Variants in TREH observed in about 807,000 individuals in gnomAD.
TREH encodes the protein alpha,alpha-trehalose glucohydrolase.
A neutral mutation model predicts 80.5 loss-of-function variants in TREH; 69 were observed. That is an observed-to-expected ratio of 0.86 (90% CI 0.71 to 1.05). The LOEUF is 1.05. Among genes scored for constraint, TREH ranks in the 50% least tolerant of loss-of-function variants. TREH has a pLI of 0.00. For synonymous variants in TREH, 309 were observed against 293.5 expected (o/e 1.05, Z -0.54); for missense variants, 716 against 718.8 (o/e 1.00, Z 0.04).
Position 118,658,486 on chromosome 11 carries a change from T to C in TREH, c.1600-45A>G, listed in dbSNP as rs781918899. The stretch of plus-strand genomic sequence containing the variant: ...GGGGCCAGTTTCTGGGGAAGCCTCA[T>C]ACCCTTGGTGGGGGCTGTGGGCTCT... On this transcript the variant is annotated intron_variant, in intron 14 of 14. Coordinates refer to ENST00000264029, the MANE Select transcript of TREH (RefSeq NM_007180.3). 45 of 1,598,024 alleles carry C rather than the reference T, an allele frequency of 2.8e-5. No homozygotes were observed. In the Middle Eastern group the frequency reaches 6.8e-4, roughly 24 times the overall value.
In TREH at chr11:118,661,884, G is replaced by A. The variant is rs377426573; in HGVS notation, c.524+6C>T. The A allele has an allele frequency of 1.8e-5, 28 of 1,559,274 alleles. No individual in the cohort carries two copies. The highest frequency in any genetic ancestry group is 3.9e-5 in the Admixed American group (2 of 51,344). On this transcript the variant is annotated splice_donor_region_variant and intron_variant, in intron 5 of 14. Coordinates refer to ENST00000264029, the MANE Select transcript of TREH (RefSeq NM_007180.3). The surrounding 1 kb of genome is among the most constrained non-coding windows in gnomAD (Gnocchi z 4.2). ...GCCCCTTGGTCTCTTGGGCCTGGGC[G>A]CTCACCAGTAGTAGAACTCAACAAA...
rs782410055 is a variant in TREH at position 118,658,287 on chromosome 11, TG to T, written c.*1del. On this transcript the variant is annotated 3_prime_UTR_variant, in exon 15 of 15. Transcript: ENST00000264029. The stretch of plus-strand genomic sequence containing the variant: ...TGGGGCCAGGTGAGGAGAGGAGGGC[TG>T]TCACCATGGCAGGAGGCTGAGCAGG... 23 of 1,583,944 alleles carry T rather than the reference TG, an allele frequency of 1.5e-5. No individual in the cohort carries two copies. The South Asian group carries it at 2.6e-4, about 18-fold the overall frequency.
In TREH at chr11:118,661,325, A is replaced by G. The variant is rs781939599; in HGVS notation, c.735-43T>C. 5 of 1,613,952 alleles carry G rather than the reference A, an allele frequency of 3.1e-6. No homozygotes were observed. The highest frequency in any genetic ancestry group is 1.1e-5 in the South Asian group (1 of 91,082). ...ACACCTCAGCCCAGGCGTGCTGCCC[A>G]TCCCCAGCCCTGAGAGGTCTGAGGG... is the stretch of plus-strand genomic sequence containing the variant. On this transcript the variant is annotated intron_variant, in intron 7 of 14. Coordinates refer to ENST00000264029, the MANE Select transcript of TREH (RefSeq NM_007180.3). This position sits in a 1 kb window ranked among gnomAD's most constrained non-coding sequence, Gnocchi z 4.2.
chr11:118,660,101 G>T, intron 10 of TREH, 137 bp from the exon 11 acceptor site: 1 of 837,346 alleles, frequency 1.2e-6, no homozygotes, highest in Non-Finnish European at 1.8e-6. Context: ...AAGGGGATGT[G>T]CCGATCTGGA....
chr11:118,673,200 T>C (rs79533558), intron 1 of TREH, among the ~76,000 whole-genome samples: 54 of 152,350 alleles, frequency 3.5e-4, no homozygotes, highest in African/African-American at 1.2e-3. Context: ...TGTTTCTTGA[T>C]CTGAAGAAAT....
chr11:118,666,750 T>A (rs1949381506), intron 1 of TREH, among the ~76,000 whole-genome samples: 1 of 152,182 alleles, frequency 6.6e-6, no homozygotes, highest in African/African-American at 2.4e-5. Flanking sequence ...GGTCTCCAGT[T>A]AAAATGAGCG....
intron 12 of TREH, 60 bp downstream of exon 12, chr11:118,659,310 G>T: frequency 7.2e-7 from 1 of 1,387,154 alleles, no homozygotes; most frequent in South Asian, 1.5e-5. Context: ...CCCAGCACCA[G>T]GGAGGCCCAC....
At chr11:118,671,666 G>A (rs1205390617) in intron 1 of TREH, among the ~76,000 whole-genome samples, 13 of 152,116 alleles carry the variant, frequency 8.5e-5, no homozygotes, top group African/African-American at 1.9e-4. Flanking sequence ...CCCAAACCTA[G>A]AGAAAGACAT....
Position 118,660,766 on chromosome 11 carries a change from C to T in TREH, c.908-33G>A, listed in dbSNP as rs782792249. ...GACAGAGCAGGGAACCAGCCAGTCCCGGCTGCAGGATAGGCAGCCATTGAC... is the reference window on the plus strand; with the variant it reads ...GACAGAGCAGGGAACCAGCCAGTCCTGGCTGCAGGATAGGCAGCCATTGAC... On this transcript the variant is annotated intron_variant, in intron 9 of 14. Transcript: ENST00000264029. The T allele has an allele frequency of 1.1e-5, 17 of 1,552,092 alleles. No homozygotes were observed. The East Asian group carries it at 1.2e-4, about 11-fold the overall frequency.
At chr11:118,678,864 G>T (rs186860038) in intron 1 of TREH, among the ~76,000 whole-genome samples, 71 of 152,322 alleles carry the variant, frequency 4.7e-4, no homozygotes, top group African/African-American at 1.5e-3. Flanking sequence ...GAGAGAATAT[G>T]AGGGTCAGGG....
intron 1 of TREH, among the ~76,000 whole-genome samples, chr11:118,669,899 T>C (rs1179608946): frequency 1.2e-4 from 18 of 152,230 alleles, no homozygotes; most frequent in Admixed American, 1.1e-3. Context: ...CTTGAGGTGG[T>C]GGACACCCCA....
At chr11:118,662,662 G>C (rs1949336630) in intron 4 of TREH, 1 of 566,122 alleles carries the variant, frequency 1.8e-6, no homozygotes, top group African/African-American at 1.9e-5. Flanking sequence ...GGGGAGGCTA[G>C]GGAGCCTTCC....
At position 118,662,978 on chromosome 11, in the gene TREH, C is replaced by A; in HGVS notation, c.336-10G>T. The stretch of plus-strand genomic sequence containing the variant: ...CTGCAGGAACTGGGGGCTGAAAGAA[C>A]ACAGGCCCCACAGGGTTCAAGGAGG... On this transcript the variant is annotated splice_polypyrimidine_tract_variant and intron_variant, in intron 3 of 14. Coordinates refer to ENST00000264029, the MANE Select transcript of TREH (RefSeq NM_007180.3). 6.2e-7 allele frequency: 1 copy of A among 1,611,422 alleles called. No homozygotes were observed. Among genetic ancestry groups the A allele is most frequent in the Non-Finnish European group, 8.5e-7 (1 of 1,178,448 alleles).
intron 1 of TREH, among the ~76,000 whole-genome samples, chr11:118,664,362 G>T (rs1949357201): frequency 6.6e-6 from 1 of 152,190 alleles, no homozygotes; most frequent in African/African-American, 2.4e-5. Context: ...AGTGATAGAA[G>T]AATCGAATGA....
Position 118,661,884 on chromosome 11 carries a change from G to T in TREH, c.524+6C>A. ...GCCCCTTGGTCTCTTGGGCCTGGGC[G>T]CTCACCAGTAGTAGAACTCAACAAA... On this transcript the variant is annotated splice_donor_region_variant and intron_variant, in intron 5 of 14. Transcript: ENST00000264029. This position sits in a 1 kb window ranked among gnomAD's most constrained non-coding sequence, Gnocchi z 4.2. 1 of 1,559,392 alleles carries T rather than the reference G, an allele frequency of 6.4e-7. No individual in the cohort carries two copies. The highest frequency in any genetic ancestry group is 2.4e-5 in the East Asian group (1 of 41,392).
At chr11:118,662,063 C>T (rs1949330155) in intron 4 of TREH, 73 bp from the exon 5 acceptor site, 13 of 1,256,982 alleles carry the variant, frequency 1.0e-5, no homozygotes, top group Non-Finnish European at 1.5e-5. Context: ...GCTGGGGGAT[C>T]TGAGGCCCCG....
chr11:118,660,351 G>A (rs1555144631), intron 10 of TREH, among the ~76,000 whole-genome samples, 188 bp downstream of exon 10: 2 of 152,202 alleles, frequency 1.3e-5, no homozygotes, highest in African/African-American at 4.8e-5. Context: ...GAGGAAGAGA[G>A]GATTAGGGTT....
At chr11:118,678,517 C>T (rs1180577310) in intron 1 of TREH, among the ~76,000 whole-genome samples, 2 of 151,476 alleles carry the variant, frequency 1.3e-5, no homozygotes, top group Non-Finnish European at 2.9e-5. Context: ...GCGTGCGCCA[C>T]CATGCCCGGC....
chr11:118,660,303 C>A (rs1386255268), intron 10 of TREH, among the ~76,000 whole-genome samples: 2 of 152,116 alleles, frequency 1.3e-5, no homozygotes, highest in Non-Finnish European at 2.9e-5. Flanking sequence ...GACTAGGGTT[C>A]CCCTCACAGA....
Sources: gnomAD v4.1 joint callset for allele counts (sites outside exome capture counted in the v4.1 genomes callset) on GRCh38, gnomAD v4.1.1 for gene constraint, Gnocchi (gnomAD v3.1) non-coding constraint, MANE v1.5 for transcripts, NCBI Gene and HGNC (gene_info 2026-07-23, HGNC 2026-07-21) for gene names.